Variants in FAM227B observed in about 807,000 individuals in gnomAD.
The protein encoded by FAM227B is protein FAM227B.
Under a neutral mutation model 73.8 loss-of-function variants are expected in FAM227B, and 88 were observed. The ratio of observed to expected loss-of-function variants is 1.19; its 90% confidence interval spans 1.00 to 1.42. The LOEUF (loss-of-function observed/expected upper bound fraction) is 1.42, where lower values mean the gene tolerates loss of function less well. FAM227B is among the 40% of genes most tolerant of loss of function. FAM227B has a pLI of 0.00. For missense variants in FAM227B, 632 were observed against 590.9 expected (o/e 1.07, Z -0.72); for synonymous variants, 210 against 190.5 (o/e 1.10, Z -0.84).
chr15:49,537,265 T>C (rs530916328), intron 10 of FAM227B, among the ~76,000 whole-genome samples: 1 of 152,184 alleles, frequency 6.6e-6, no homozygotes, highest in South Asian at 2.1e-4. Flanking sequence ...ATGACTTGAA[T>C]AGACATTCCT....
chr15:49,508,124 TA>T, intron 11 of FAM227B, 86 bp downstream of exon 11: 1 of 1,422,464 alleles, frequency 7.0e-7, no homozygotes, highest in Non-Finnish European at 9.5e-7. Context: ...ACCAAAAACA[TA>T]AATCATTAGA....
chr15:49,563,300 T>C (rs1016717032), intron 9 of FAM227B, among the ~76,000 whole-genome samples: 5 of 152,056 alleles, frequency 3.3e-5, no homozygotes, highest in Non-Finnish European at 2.9e-5. Context: ...GAAAGATCTC[T>C]ACAAGGAAAA....
intron 5 of FAM227B, among the ~76,000 whole-genome samples, chr15:49,582,446 G>A (rs1447270255): frequency 6.6e-6 from 1 of 152,130 alleles, no homozygotes; most frequent in Non-Finnish European, 1.5e-5. Flanking sequence ...AAATATATAT[G>A]CACCCAACAC....
intron 3 of FAM227B, among the ~76,000 whole-genome samples, chr15:49,601,112 AG>A (rs1183967982): frequency 2.6e-4 from 39 of 148,902 alleles, no homozygotes; most frequent in African/African-American, 9.1e-4. Flanking sequence ...ATTAGGTTGG[AG>A]CAACAGTAAT....
At chr15:49,528,133 T>C (rs2060340307) in intron 10 of FAM227B, among the ~76,000 whole-genome samples, 1 of 151,812 alleles carries the variant, frequency 6.6e-6, no homozygotes, top group Non-Finnish European at 1.5e-5. Context: ...CCAAATAACA[T>C]AGTGCTGGTA....
At chr15:49,403,730 T>C (rs942216756) in intron 11 of FAM227B, among the ~76,000 whole-genome samples, 2 of 152,180 alleles carry the variant, frequency 1.3e-5, no homozygotes, top group African/African-American at 4.8e-5. Context: ...CACTGATCTT[T>C]TGAATGTTTT....
At chr15:49,457,876 T>A (rs1311480405) in intron 11 of FAM227B, among the ~76,000 whole-genome samples, 1 of 150,872 alleles carries the variant, frequency 6.6e-6, no homozygotes, top group East Asian at 2.1e-4. Context: ...ATTAAATGAA[T>A]CTAATCATTT....
intron 5 of FAM227B, among the ~76,000 whole-genome samples, chr15:49,581,646 C>G (rs2075821115): frequency 6.6e-6 from 1 of 152,012 alleles, no homozygotes; most frequent in South Asian, 2.1e-4. Context: ...AAAAGAAATT[C>G]CAACTAAGAA....
At chr15:49,604,728 C>T (rs1598502157) in intron 3 of FAM227B, among the ~76,000 whole-genome samples, 1 of 151,836 alleles carries the variant, frequency 6.6e-6, no homozygotes, top group African/African-American at 2.4e-5. Flanking sequence ...AGGCTTTATT[C>T]ACTATTTTTC....
At chr15:49,433,951 G>T (rs1428592765) in intron 11 of FAM227B, among the ~76,000 whole-genome samples, 1 of 151,756 alleles carries the variant, frequency 6.6e-6, no homozygotes, top group Non-Finnish European at 1.5e-5. Context: ...GCAGTGGACT[G>T]ATAATTTTGG....
intron 11 of FAM227B, chr15:49,424,029 C>T (rs2049913779): frequency 5.9e-6 from 2 of 336,528 alleles, no homozygotes; most frequent in African/African-American, 4.2e-5. Flanking sequence ...TCATTGCAAA[C>T]AGAAGTCAAA....
intron 9 of FAM227B, among the ~76,000 whole-genome samples, chr15:49,546,967 GAC>G (rs982024551): frequency 2.0e-5 from 3 of 152,084 alleles, no homozygotes; most frequent in African/African-American, 7.2e-5. Context: ...GCAAGTCCAA[GAC>G]ACATAATTGT....
intron 10 of FAM227B, among the ~76,000 whole-genome samples, chr15:49,531,311 C>T (rs112619018): frequency 6.6e-6 from 1 of 151,624 alleles, no homozygotes; most frequent in East Asian, 1.9e-4. Context: ...GCACACCCTA[C>T]AGATTTGTGT....
At chr15:49,431,116 T>C (rs1261753610) in intron 11 of FAM227B, among the ~76,000 whole-genome samples, 2 of 151,880 alleles carry the variant, frequency 1.3e-5, no homozygotes, top group African/African-American at 4.8e-5. Context: ...AATAAAATTA[T>C]GTATACTTAA....
intron 11 of FAM227B, among the ~76,000 whole-genome samples, chr15:49,440,510 C>T (rs1202653210): frequency 1.3e-5 from 2 of 151,616 alleles, no homozygotes; most frequent in African/African-American, 4.8e-5. Context: ...GTCCTATTTA[C>T]ATAAAATTAT....
intron 11 of FAM227B, among the ~76,000 whole-genome samples, chr15:49,401,916 G>C (rs1361050420): frequency 1.4e-5 from 2 of 147,176 alleles, no homozygotes; most frequent in Non-Finnish European, 3.0e-5. Context: ...ACGAGTTAGT[G>C]GGTGCAGCGC....
At chr15:49,463,629 C>A (rs924758913) in intron 11 of FAM227B, among the ~76,000 whole-genome samples, 1 of 151,260 alleles carries the variant, frequency 6.6e-6, no homozygotes, top group African/African-American at 2.4e-5. Flanking sequence ...TTTCTTATTT[C>A]TTTTCCTGGA....
At chr15:49,519,049 T>G (rs2059591846) in intron 10 of FAM227B, among the ~76,000 whole-genome samples, 1 of 152,168 alleles carries the variant, frequency 6.6e-6, no homozygotes, top group Non-Finnish European at 1.5e-5. Context: ...TTGGCCAAAG[T>G]GAAGGGGCTA....
intron 3 of FAM227B, among the ~76,000 whole-genome samples, chr15:49,593,762 T>C (rs2076724097): frequency 6.6e-6 from 1 of 152,238 alleles, no homozygotes. Context: ...TCAAATGCCA[T>C]TATTTGGTTC....
Sources: gnomAD v4.1 joint callset for allele counts (sites outside exome capture counted in the v4.1 genomes callset) on GRCh38, gnomAD v4.1.1 for gene constraint, MANE v1.5 for transcripts, NCBI Gene and HGNC (gene_info 2026-07-23, HGNC 2026-07-21) for gene names.